Variants in ADGRL4 observed in about 807,000 individuals in gnomAD.
ADGRL4 encodes adhesion G protein-coupled receptor L4.
A neutral mutation model predicts 74.8 loss-of-function variants in ADGRL4; 90 were observed. That is an observed-to-expected ratio of 1.20 (90% CI 1.02 to 1.43). ADGRL4 has a LOEUF of 1.43. ADGRL4 is among the 40% of genes most tolerant of loss of function. ADGRL4 has a pLI of 0.00. For synonymous variants in ADGRL4, 311 were observed against 279.2 expected, an observed-to-expected ratio of 1.11 and a Z score of -1.14; for missense variants, 881 against 814.3, an observed-to-expected ratio of 1.08 and a Z score of -1.00.
At chr1:78,949,257 A>G (rs10157100) in intron 2 of ADGRL4, among the ~76,000 whole-genome samples, 13,559 of 152,164 alleles carry the variant, frequency 0.089, 801 homozygotes, top group East Asian at 0.33. Context: ...TAACTTGCCA[A>G]TATGTTGCTT....
intron 13 of ADGRL4, 81 bp from the exon 14 acceptor site, chr1:78,891,773 G>C (rs1039135348): frequency 4.6e-6 from 6 of 1,300,370 alleles, no homozygotes; most frequent in Non-Finnish European, 6.3e-6. Flanking sequence ...TTATGTGGGA[G>C]GTGAGTTTTC....
intron 2 of ADGRL4, among the ~76,000 whole-genome samples, chr1:78,985,625 C>G (rs576677486): frequency 6.6e-6 from 1 of 151,694 alleles, no homozygotes; most frequent in Non-Finnish European, 1.5e-5. Flanking sequence ...AAACCAGGGA[C>G]AAAAATTATA....
In ADGRL4 at chr1:78,918,014, A is replaced by T; in HGVS notation, c.1498T>A (p.Phe500Ile). ...CSIIAGLLHY[F>I]FLAAFAWMCI... Reference sequence around the variant, plus strand: ...ATCCATGCAAAAGCAGCTAAAAAGAAGTAGTGTAGCAGTCCGGCAATGATT... The same window carrying T: ...ATCCATGCAAAAGCAGCTAAAAAGATGTAGTGTAGCAGTCCGGCAATGATT... Residue 500 changes from phenylalanine (F) to isoleucine (I), a missense_variant, in exon 11 of 15, where the codon TTC becomes ATC. Transcript: ENST00000370742. The T allele has an allele frequency of 6.2e-7, 1 of 1,612,308 alleles. No homozygotes were observed. Among genetic ancestry groups the T allele is most frequent in the Non-Finnish European group, 8.5e-7 (1 of 1,178,908 alleles).
At chr1:78,934,351 T>C (rs1440292890) in intron 7 of ADGRL4, among the ~76,000 whole-genome samples, 2 of 152,172 alleles carry the variant, frequency 1.3e-5, no homozygotes, top group Non-Finnish European at 2.9e-5. Flanking sequence ...GCTAGCCATA[T>C]GCAGAAAACT....
intron 12 of ADGRL4, among the ~76,000 whole-genome samples, chr1:78,901,481 G>T (rs1650483159): frequency 6.6e-6 from 1 of 152,138 alleles, no homozygotes; most frequent in African/African-American, 2.4e-5. Context: ...ATAAAGGATT[G>T]AACCCAGAAA....
intron 2 of ADGRL4, among the ~76,000 whole-genome samples, chr1:78,987,922 A>G (rs555416260): frequency 6.6e-4 from 100 of 151,860 alleles, no homozygotes; most frequent in African/African-American, 2.2e-3. Flanking sequence ...CATACTAATC[A>G]TACCATAATT....
intron 12 of ADGRL4, among the ~76,000 whole-genome samples, chr1:78,896,492 T>G (rs144394764): frequency 6.6e-6 from 1 of 152,062 alleles, no homozygotes; most frequent in Non-Finnish European, 1.5e-5. Flanking sequence ...CTCAAAAAAA[T>G]GTTATCTTAC....
intron 2 of ADGRL4, among the ~76,000 whole-genome samples, chr1:79,002,414 T>C (rs188442362): frequency 6.6e-6 from 1 of 152,096 alleles, no homozygotes; most frequent in East Asian, 1.9e-4. Flanking sequence ...ACATGTATGA[T>C]ATTTTTAAAG....
At chr1:78,908,133 T>C (rs1381468271) in intron 12 of ADGRL4, among the ~76,000 whole-genome samples, 1 of 151,968 alleles carries the variant, frequency 6.6e-6, no homozygotes, top group Non-Finnish European at 1.5e-5. Flanking sequence ...AGTTTAAATA[T>C]CTTCAGTTGT....
At chr1:78,915,806 T>A (rs1311414210) in intron 12 of ADGRL4, among the ~76,000 whole-genome samples, 4 of 151,914 alleles carry the variant, frequency 2.6e-5, no homozygotes, top group Non-Finnish European at 2.9e-5. Flanking sequence ...ATAATAATAG[T>A]AATATGCAAG....
intron 2 of ADGRL4, among the ~76,000 whole-genome samples, chr1:78,999,788 A>ATATCTATCTATCTATCTATC (rs67005634): frequency 2.1e-5 from 3 of 141,664 alleles, no homozygotes; most frequent in African/African-American, 5.3e-5. Context: ...ATCTATAGTT[A>ATATCTATCTATCTATCTATC]TATCTATCTA....
chr1:78,933,698 G>A (rs6680978), intron 7 of ADGRL4, among the ~76,000 whole-genome samples: 91,293 of 150,872 alleles, frequency 0.61, 28,396 homozygotes, highest in East Asian at 0.7. Context: ...CTCAGGCTCA[G>A]AACTCCTTGA....
chr1:78,999,998 T>A (rs1650809401), intron 2 of ADGRL4, among the ~76,000 whole-genome samples: 1 of 152,152 alleles, frequency 6.6e-6, no homozygotes, highest in South Asian at 2.1e-4. Flanking sequence ...TTGTGCAAAG[T>A]CTTCTTTAAG....
At chr1:79,006,440 T>G (rs1650963598) in intron 1 of ADGRL4, among the ~76,000 whole-genome samples, 193 bp downstream of exon 1, 1 of 152,210 alleles carries the variant, frequency 6.6e-6, no homozygotes, top group African/African-American at 2.4e-5. Context: ...TAACATTCCC[T>G]GGACCTTGGA....
intron 2 of ADGRL4, among the ~76,000 whole-genome samples, chr1:78,990,509 C>T (rs935537103): frequency 6.6e-6 from 1 of 151,780 alleles, no homozygotes; most frequent in African/African-American, 2.4e-5. Flanking sequence ...CAGATTAACG[C>T]TATACTTATT....
intron 2 of ADGRL4, among the ~76,000 whole-genome samples, chr1:78,964,362 C>G (rs1650014120): frequency 6.6e-6 from 1 of 152,068 alleles, no homozygotes; most frequent in Admixed American, 6.6e-5. Context: ...TTAGAGTTAT[C>G]TCATTTTTAT....
At chr1:78,969,016 T>A (rs2100715552) in intron 2 of ADGRL4, among the ~76,000 whole-genome samples, 1 of 152,292 alleles carries the variant, frequency 6.6e-6, no homozygotes, top group East Asian at 1.9e-4. Flanking sequence ...GCTGAAGCAA[T>A]CTTTTTGACT....
intron 12 of ADGRL4, among the ~76,000 whole-genome samples, chr1:78,917,243 C>T (rs1648893316): frequency 6.6e-6 from 1 of 151,788 alleles, no homozygotes; most frequent in Non-Finnish European, 1.5e-5. Flanking sequence ...CTGGTTGGCA[C>T]ACTCTGTGTG....
At chr1:78,948,490 T>G (rs1649658384) in intron 2 of ADGRL4, among the ~76,000 whole-genome samples, 1 of 152,120 alleles carries the variant, frequency 6.6e-6, no homozygotes, top group Non-Finnish European at 1.5e-5. Context: ...ACTTGTCAAA[T>G]GCCCCTAAAG....
Sources: allele counts gnomAD v4.1 joint callset (sites outside exome capture counted in the v4.1 genomes callset), GRCh38; gene constraint gnomAD v4.1.1; transcripts MANE v1.5; gene names NCBI Gene and HGNC (gene_info 2026-07-23, HGNC 2026-07-21).